RBFOX1: variants seen among roughly 807,000 people sequenced by gnomAD.
RBFOX1 encodes RNA binding fox-1 homolog 1, also known as RNA binding protein fox-1 homolog 1.
Under a neutral mutation model 57.7 loss-of-function variants are expected in RBFOX1, and 8 were observed. The observed-to-expected ratio is 0.14, with a 90% CI of 0.08 to 0.25. The LOEUF (loss-of-function observed/expected upper bound fraction) is 0.25, where lower values mean the gene tolerates loss of function less well. Among genes scored for constraint, RBFOX1 ranks in the 10% least tolerant of loss-of-function variants. RBFOX1 has a pLI of 1.00. For missense variants in RBFOX1, 611 were observed against 548.5 expected, an observed-to-expected ratio of 1.11 and a Z score of -1.14; for synonymous variants, 326 against 222.4, an observed-to-expected ratio of 1.47 and a Z score of -4.15.
chr16:6,891,376 TG>T (rs1046437153), intron 3 of RBFOX1, among the ~76,000 whole-genome samples: 6 of 152,164 alleles, frequency 3.9e-5, no homozygotes, highest in African/African-American at 1.4e-4. Flanking sequence ...ACACTAAATT[TG>T]GGTCTACCCA....
At chr16:6,084,444 A>G (rs1255526243) in intron 1 of RBFOX1, among the ~76,000 whole-genome samples, 1 of 151,850 alleles carries the variant, frequency 6.6e-6, no homozygotes, top group Non-Finnish European at 1.5e-5. Context: ...GAGTCTCACC[A>G]TGTTGCCCAG....
At position 6,184,592 on chromosome 16, in the gene RBFOX1, C is replaced by G. The variant is rs1255251249; in HGVS notation, c.-126-132403C>G. Among the ~76,000 whole-genome samples, 9 of 152,280 alleles carry G rather than the reference C, an allele frequency of 5.9e-5. No individual in the cohort carries two copies. The East Asian group carries it at 1.7e-3, about 29-fold the overall frequency. On this transcript the variant is annotated intron_variant, in intron 1 of 15. Transcript: ENST00000550418. ...TCTTATTATTTTAGACAGAGTCTCGCTCTTTTGCCCAGGCTGGAGTGCAGT... is the reference window on the plus strand; with the variant it reads ...TCTTATTATTTTAGACAGAGTCTCGGTCTTTTGCCCAGGCTGGAGTGCAGT...
intron 1 of RBFOX1, among the ~76,000 whole-genome samples, chr16:5,268,097 C>A (rs917363443): frequency 1.3e-5 from 2 of 151,802 alleles, no homozygotes; most frequent in Non-Finnish European, 2.9e-5. Flanking sequence ...AAAAAGATGA[C>A]TGGAATATAG....
rs2079972232 is a variant in RBFOX1 at position 7,699,561 on chromosome 16, TGTGGAGCCCTTGAGATGTGGCC to T, written c.996-9494_996-9473del. ...TGCTAAAGTTGTGTTCACATGTGGCTGTGGAGCCCTTGAGATGTGGCCAGTCCACACCAGGATGAGTTGTAAG... is the reference window on the plus strand; with the variant it reads ...TGCTAAAGTTGTGTTCACATGTGGCTAGTCCACACCAGGATGAGTTGTAAG... On this transcript the variant is annotated intron_variant, in intron 14 of 15. Coordinates refer to ENST00000550418, the MANE Select transcript of RBFOX1 (RefSeq NM_018723.4). Among the ~76,000 whole-genome samples the T allele has an allele frequency of 3.9e-5, 6 of 152,324 alleles. No individual in the cohort carries two copies. In the South Asian group the frequency reaches 1.2e-3, roughly 32 times the overall value.
chr16:5,964,889 G>GGT (rs753030958), intron 4 of RBFOX1, among the ~76,000 whole-genome samples: 17 of 151,884 alleles, frequency 1.1e-4, no homozygotes, highest in Non-Finnish European at 2.2e-4. Flanking sequence ...AAGAAAATGT[G>GGT]GTGTGTGTAT....
chr16:7,643,259 T>C (rs1036295227), intron 11 of RBFOX1, among the ~76,000 whole-genome samples: 9 of 152,208 alleles, frequency 5.9e-5, no homozygotes, highest in Non-Finnish European at 1.2e-4. Context: ...CTTTCTCCTT[T>C]GGGAACACCA....
chr16:7,545,101 G>C (rs546398585), intron 5 of RBFOX1, among the ~76,000 whole-genome samples: 1 of 151,884 alleles, frequency 6.6e-6, no homozygotes, highest in Non-Finnish European at 1.5e-5. Context: ...ATCATTCGAG[G>C]CAGGAATTAT....
intron 7 of RBFOX1, among the ~76,000 whole-genome samples, chr16:7,589,062 C>T (rs1026008821): frequency 1.5e-4 from 23 of 152,246 alleles, no homozygotes; most frequent in Non-Finnish European, 2.6e-4. Context: ...AAAGTTATTA[C>T]GGGGACTATT....
At chr16:5,416,852 T>A (rs2067174671) in intron 1 of RBFOX1, among the ~76,000 whole-genome samples, 1 of 152,146 alleles carries the variant, frequency 6.6e-6, no homozygotes, top group African/African-American at 2.4e-5. Context: ...GAGGGAAGTG[T>A]AGCGTTTGTT....
At chr16:6,973,199 G>T (rs112990662) in intron 3 of RBFOX1, among the ~76,000 whole-genome samples, 5,439 of 151,952 alleles carry the variant, frequency 0.036, 313 homozygotes, top group African/African-American at 0.12. Context: ...GTGTGGTGGT[G>T]GGGGGCGGGG....
At chr16:7,528,916 A>G (rs11642268) in intron 5 of RBFOX1, among the ~76,000 whole-genome samples, 82,130 of 152,084 alleles carry the variant, frequency 0.54, 26,825 homozygotes, top group Non-Finnish European at 0.75. Flanking sequence ...GAGTTCATCT[A>G]CGCTATCTTC....
intron 3 of RBFOX1, among the ~76,000 whole-genome samples, chr16:5,749,444 A>G (rs1306332465): frequency 6.6e-6 from 1 of 151,308 alleles, no homozygotes; most frequent in Non-Finnish European, 1.5e-5. Context: ...TCTCCTGGAT[A>G]ATATCCTGCA....
chr16:7,416,272 C>G (rs758777457), intron 4 of RBFOX1, among the ~76,000 whole-genome samples: 14 of 152,216 alleles, frequency 9.2e-5, no homozygotes, highest in African/African-American at 1.2e-4. Flanking sequence ...CTGTGTCTCT[C>G]AGACTACTCT....
intron 1 of RBFOX1, among the ~76,000 whole-genome samples, chr16:5,437,652 A>G (rs749707877): frequency 1.6e-4 from 25 of 152,248 alleles, no homozygotes; most frequent in Admixed American, 1.6e-3. Context: ...TTAAGACACA[A>G]TATTACATAT....
Position 6,478,402 on chromosome 16 carries a change from TATATATATATATA to T in RBFOX1, c.-64+161346_-64+161358del, listed in dbSNP as rs2095309078. On this transcript the variant is annotated intron_variant, in intron 2 of 15. Coordinates refer to ENST00000550418, the MANE Select transcript of RBFOX1 (RefSeq NM_018723.4). ...TACACCCAGCTAATATATATATATA[TATATATATATATA>T]TATATATATATATATTTTTTTTTTT... is the stretch of plus-strand genomic sequence containing the variant. 8.0e-4 allele frequency among the ~76,000 whole-genome samples: 9 copies of T among 11,288 alleles called. 1 individual carries two copies. Among genetic ancestry groups the T allele is most frequent in the African/African-American group, 2.6e-3 (8 of 3,068 alleles). The allele number at this position is 11,288 out of a possible 152,430, so 7.4% of individuals were successfully genotyped here. A position where few individuals can be genotyped will look rare whatever the true frequency, so the allele number is the denominator to read the frequency against.
intron 2 of RBFOX1, among the ~76,000 whole-genome samples, chr16:5,559,551 G>T (rs2045812797): frequency 6.6e-6 from 1 of 152,174 alleles, no homozygotes; most frequent in Admixed American, 6.5e-5. Flanking sequence ...TGGACCAGGG[G>T]AGATTGATCC....
chr16:6,626,985 C>T (rs1025291702), intron 2 of RBFOX1, among the ~76,000 whole-genome samples: 18 of 152,190 alleles, frequency 1.2e-4, no homozygotes, highest in African/African-American at 3.6e-4. Context: ...AGTTTATAGA[C>T]GAAGAAACTG....
intron 1 of RBFOX1, among the ~76,000 whole-genome samples, chr16:5,454,926 T>TTCCTTCCTTC (rs2068562876): frequency 9.1e-5 from 5 of 54,812 alleles, no homozygotes; most frequent in Non-Finnish European, 1.8e-4. Flanking sequence ...TTTGTTTCTT[T>TTCCTTCCTTC]CTTCCTTCCT....
intron 3 of RBFOX1, among the ~76,000 whole-genome samples, chr16:5,736,781 T>G (rs950072139): frequency 3.3e-5 from 5 of 151,612 alleles, no homozygotes; most frequent in African/African-American, 9.7e-5. Flanking sequence ...CTCCATCTGT[T>G]TATGTGTCTG....
Sources: allele counts gnomAD v4.1 joint callset (sites outside exome capture counted in the v4.1 genomes callset), GRCh38; gene constraint gnomAD v4.1.1; transcripts MANE v1.5; gene names NCBI Gene and HGNC (gene_info 2026-07-23, HGNC 2026-07-21).